Variants in LINGO2 observed in about 807,000 individuals in gnomAD.
The protein encoded by LINGO2 is leucine rich repeat and Ig domain containing 2, also known as leucine-rich repeat and immunoglobulin-like domain-containing nogo receptor-interacting protein 2.
Under a neutral mutation model 30.6 loss-of-function variants are expected in LINGO2, and 14 were observed. That is an observed-to-expected ratio of 0.46 (90% CI 0.30 to 0.72). The LOEUF is 0.72. LINGO2 is among the 30% of genes least tolerant of loss of function. The probability of loss-of-function intolerance (pLI) is 0.07; values close to 1 mark genes in which losing one functional copy is unlikely to be tolerated. For synonymous variants in LINGO2, 317 were observed against 288.5 expected (o/e 1.10, Z -1.00); for missense variants, 729 against 751.7 (o/e 0.97, Z 0.35).
rs1415037615 is a variant in LINGO2 at position 28,116,223 on chromosome 9, AG to A, written c.-86-103819del. Reference sequence around the variant, plus strand: ...TCTGGGTTGAAAATTCTTTTCTTTAAGAATGTTGAATATTGGCCCCCACTGT... The same window carrying A: ...TCTGGGTTGAAAATTCTTTTCTTTAAAATGTTGAATATTGGCCCCCACTGT... On this transcript the variant is annotated intron_variant, in intron 4 of 5. Transcript: ENST00000379992. Among the ~76,000 whole-genome samples the A allele has an allele frequency of 3.7e-4, 6 of 16,312 alleles. 1 individual carries two copies. Among genetic ancestry groups the A allele is most frequent in the African/African-American group, 1.4e-3 (5 of 3,450 alleles). The allele number at this position is 16,312 out of a possible 152,430, so 10.7% of individuals were successfully genotyped here. A position where few individuals can be genotyped will look rare whatever the true frequency, so the allele number is the denominator to read the frequency against.
intron 1 of LINGO2, among the ~76,000 whole-genome samples, chr9:28,646,709 T>C (rs1827858166): frequency 6.6e-6 from 1 of 152,086 alleles, no homozygotes; most frequent in Admixed American, 6.6e-5. Context: ...AAGCAATAAT[T>C]TCTTATGAAA....
At chr9:28,539,111 A>G (rs1821565922) in intron 1 of LINGO2, among the ~76,000 whole-genome samples, 1 of 152,094 alleles carries the variant, frequency 6.6e-6, no homozygotes, top group African/African-American at 2.4e-5. Context: ...TCTTTCAGTA[A>G]GGTTGAAATT....
chr9:28,992,544 A>T, the LINGO2 span, among the ~76,000 whole-genome samples: 2 of 152,116 alleles, frequency 1.3e-5, no homozygotes, highest in East Asian at 3.9e-4. Context: ...TCTCCACCCC[A>T]AATCAACAGA....
chr9:28,745,615 A>G, the LINGO2 span, among the ~76,000 whole-genome samples: 1,651 of 152,188 alleles, frequency 0.011, 43 homozygotes, highest in African/African-American at 0.038. Flanking sequence ...AATATTTTAA[A>G]AGGTATGTTT....
chr9:28,938,243 T>C, the LINGO2 span, among the ~76,000 whole-genome samples: 1 of 152,226 alleles, frequency 6.6e-6, no homozygotes, highest in Non-Finnish European at 1.5e-5. Flanking sequence ...GATGGCTAAC[T>C]AAATTTATGG....
intron 2 of LINGO2, among the ~76,000 whole-genome samples, chr9:28,458,417 C>T (rs1478743602): frequency 1.3e-5 from 2 of 152,180 alleles, no homozygotes; most frequent in African/African-American, 2.4e-5. Flanking sequence ...TTATTTGTCT[C>T]ATGACAATTT....
At chr9:27,977,836 G>C (rs16912186) in intron 5 of LINGO2, among the ~76,000 whole-genome samples, 5,674 of 151,830 alleles carry the variant, frequency 0.037, 333 homozygotes, top group African/African-American at 0.13. Flanking sequence ...ATGTGAAAGA[G>C]TGACTGCAAC....
At chr9:28,843,104 G>A in the LINGO2 span, among the ~76,000 whole-genome samples, 2 of 151,832 alleles carry the variant, frequency 1.3e-5, no homozygotes, top group African/African-American at 4.9e-5. Flanking sequence ...TTGTACTGCA[G>A]CTTCTTGAAG....
chr9:28,684,175 C>CTTTTTCTTT, the LINGO2 span, among the ~76,000 whole-genome samples: 1 of 45,430 alleles, frequency 2.2e-5, no homozygotes, highest in Non-Finnish European at 3.8e-5. Flanking sequence ...AAATGTTTAT[C>CTTTTTCTTT]TTTTTTTTTT....
At chr9:28,574,509 TC>T (rs1479777596) in intron 1 of LINGO2, among the ~76,000 whole-genome samples, 1 of 152,192 alleles carries the variant, frequency 6.6e-6, no homozygotes, top group Non-Finnish European at 1.5e-5. Context: ...CAGTAGCTGC[TC>T]TTTATGTTTT....
chr9:29,139,421 A>T, the LINGO2 span, among the ~76,000 whole-genome samples: 1 of 152,158 alleles, frequency 6.6e-6, no homozygotes, highest in Non-Finnish European at 1.5e-5. Context: ...CAAGATATAA[A>T]TATTAATATA....
chr9:28,855,115 CG>C, the LINGO2 span, among the ~76,000 whole-genome samples: 1 of 151,870 alleles, frequency 6.6e-6, no homozygotes, highest in African/African-American at 2.4e-5. Flanking sequence ...GATTGATAAA[CG>C]GGTTCTTTAG....
intron 4 of LINGO2, among the ~76,000 whole-genome samples, chr9:28,180,988 T>C (rs1218139207): frequency 6.6e-6 from 1 of 152,136 alleles, no homozygotes; most frequent in Non-Finnish European, 1.5e-5. Context: ...ATGATAAGAA[T>C]TGAGGTTGCA....
intron 1 of LINGO2, among the ~76,000 whole-genome samples, chr9:28,555,291 A>G (rs1382649432): frequency 2.8e-5 from 4 of 144,594 alleles, no homozygotes; most frequent in Non-Finnish European, 4.5e-5. Flanking sequence ...TCAAATAGAC[A>G]CAATAAAAAA....
chr9:28,147,090 G>A lies in LINGO2; in HGVS notation c.-86-134685C>T, dbSNP rs1039436015. ...CTGCCCTACATCTTTGTAGAGGACT[G>A]GAGCCCAGAGCATGCCATGGTCAAC... On this transcript the variant is annotated intron_variant, in intron 4 of 5. Coordinates refer to ENST00000379992, the Ensembl canonical transcript of LINGO2. This position sits in a 1 kb window ranked among gnomAD's most constrained non-coding sequence, Gnocchi z 4.7. Among the ~76,000 whole-genome samples the A allele has an allele frequency of 1.1e-4, 16 of 152,320 alleles. No individual in the cohort carries two copies. The highest frequency in any genetic ancestry group is 3.8e-4 in the African/African-American group (16 of 41,578).
chr9:28,925,175 C>A, the LINGO2 span, among the ~76,000 whole-genome samples: 4 of 152,112 alleles, frequency 2.6e-5, no homozygotes, highest in African/African-American at 9.7e-5. Context: ...AAAATTTAAA[C>A]GCTTTTTAAA....
intron 2 of LINGO2, among the ~76,000 whole-genome samples, chr9:28,444,019 C>G (rs1033486000): frequency 2.0e-5 from 3 of 152,122 alleles, no homozygotes; most frequent in South Asian, 4.2e-4. Context: ...CATAAAAACC[C>G]CAGACTCAGC....
At chr9:28,037,685 G>T (rs1221018792) in intron 4 of LINGO2, among the ~76,000 whole-genome samples, 2 of 152,208 alleles carry the variant, frequency 1.3e-5, no homozygotes, top group Non-Finnish European at 2.9e-5. Context: ...AGCCAGAATT[G>T]CCATGGAAGG....
At chr9:28,794,079 G>A in the LINGO2 span, among the ~76,000 whole-genome samples, 1 of 152,190 alleles carries the variant, frequency 6.6e-6, no homozygotes, top group African/African-American at 2.4e-5. Context: ...GCTGAGGAGG[G>A]CGGATCACGA....
Sources: gnomAD v4.1 joint callset for allele counts (sites outside exome capture counted in the v4.1 genomes callset) on GRCh38, gnomAD v4.1.1 for gene constraint, Gnocchi (gnomAD v3.1) non-coding constraint, MANE v1.5 for transcripts, NCBI Gene and HGNC (gene_info 2026-07-23, HGNC 2026-07-21) for gene names.